The following ZNF454 variants were observed in gnomAD, a reference collection of about 807,000 sequenced individuals.
The protein encoded by ZNF454 is zinc finger protein 454.
In ZNF454, 30 loss-of-function variants were observed where a neutral mutation model predicts 48.2. The ratio of observed to expected loss-of-function variants is 0.62; its 90% CI spans 0.47 to 0.84. ZNF454 has a LOEUF of 0.84. ZNF454 is among the 40% of genes least tolerant of loss of function. The probability of loss-of-function intolerance (pLI) is 0.00; values close to 1 mark genes in which losing one functional copy is unlikely to be tolerated. For missense variants in ZNF454, 510 were observed against 623.1 expected, an observed-to-expected ratio of 0.82 and a Z score of 1.93; for synonymous variants, 204 against 211.4, an observed-to-expected ratio of 0.97 and a Z score of 0.30.
chr5:178,968,042 T>G (rs1760191622), downstream of ZNF454, among the ~76,000 whole-genome samples: 1 of 151,578 alleles, frequency 6.6e-6, no homozygotes, highest in Non-Finnish European at 1.5e-5. Flanking sequence ...CCCGGCCACC[T>G]TCCCCGTCTT....
rs1192308446 is a variant in ZNF454, at chr5:178,964,758, T to C, written c.354T>C (p.Ser118=). The C allele has an allele frequency of 1.9e-6, 3 of 1,614,120 alleles. No individual in the cohort carries two copies. Among genetic ancestry groups the C allele is most frequent in the Non-Finnish European group, 2.5e-6 (3 of 1,180,052 alleles). ...TAAAGGAAAGATTCAGTAGCAGTAG[T>C]CACTGGAAGTGTGCTAGCCTGCTGG... ...WTIKERFSSS[S]HWKCASLLEW... The change falls in exon 5 of 5, where the codon AGT becomes AGC. Residue 118 remains serine, a synonymous_variant. Coordinates refer to ENST00000519564, the MANE Select transcript of ZNF454 (RefSeq NM_001178089.3).
intron 4 of ZNF454, among the ~76,000 whole-genome samples, chr5:178,959,133 T>A (rs1025529959): frequency 1.3e-5 from 2 of 152,164 alleles, no homozygotes; most frequent in Non-Finnish European, 1.5e-5. Context: ...TTGTCTTAAA[T>A]ACTTGAGTCT....
chr5:178,976,374 A>C, the ZNF454 span, among the ~76,000 whole-genome samples: 1 of 152,296 alleles, frequency 6.6e-6, no homozygotes, highest in African/African-American at 2.4e-5. Context: ...GTTCCTGTCT[A>C]TTTTGTCTGC....
At position 178,965,250 on chromosome 5, in the gene ZNF454, C is replaced by G. The variant is rs1294293498; in HGVS notation, c.846C>G (p.Ile282Met). The G allele has an allele frequency of 1.9e-6, 3 of 1,614,090 alleles. No individual in the cohort carries two copies. In the East Asian group the frequency reaches 6.7e-5, roughly 36 times the overall value. Reference sequence around the variant, plus strand: ...GCAACTTATGTGGAAAAGCTTTTATCCGAAATATACACCTTGCCCATCATC... The same window carrying G: ...GCAACTTATGTGGAAAAGCTTTTATGCGAAATATACACCTTGCCCATCATC... ...FECNLCGKAF[I>M]RNIHLAHHHR... The change falls in exon 5 of 5, where the codon ATC becomes ATG. Residue 282 changes from isoleucine (I) to methionine (M), a missense_variant. This residue lies in a region of ZNF454 where 354 missense variants were observed against 408.9 expected (regional missense o/e 0.87). Transcript: ENST00000519564. The surrounding 1 kb of genome is among the most constrained non-coding windows in gnomAD (Gnocchi z 5.2).
intron 4 of ZNF454, among the ~76,000 whole-genome samples, chr5:178,957,535 G>A (rs1379773772): frequency 7.9e-5 from 12 of 151,818 alleles, no homozygotes; most frequent in Non-Finnish European, 1.5e-4. Context: ...TCAGCCTCCC[G>A]AGTAGCTGGG....
At chr5:178,986,181 G>A in the ZNF454 span, 2 of 1,614,124 alleles carry the variant, frequency 1.2e-6, no homozygotes, top group Non-Finnish European at 1.7e-6. Context: ...TGGGGCTGAT[G>A]AAGGGAGGGG....
chr5:178,976,013 T>A, the ZNF454 span: 1 of 387,026 alleles, frequency 2.6e-6, no homozygotes, highest in Non-Finnish European at 5.3e-6. Context: ...CCTCACATTT[T>A]CTCCCCTGCT....
At chr5:178,975,550 G>A in the ZNF454 span, 1 of 240,582 alleles carries the variant, frequency 4.2e-6, no homozygotes. Context: ...TCTCAACACA[G>A]TAGCCAGAGT....
At chr5:178,987,007 C>T in the ZNF454 span, 15 of 1,609,690 alleles carry the variant, frequency 9.3e-6, no homozygotes, top group East Asian at 1.1e-4. Flanking sequence ...CCGTCATCCT[C>T]GGTGGTCCTC....
At chr5:178,948,610 C>T (rs577080517) in intron 4 of ZNF454, among the ~76,000 whole-genome samples, 1 of 152,224 alleles carries the variant, frequency 6.6e-6, no homozygotes, top group South Asian at 2.1e-4. Flanking sequence ...TGGGCCCCTG[C>T]CCACACTCTG....
At chr5:178,985,542 A>C in the ZNF454 span, 2 of 337,562 alleles carry the variant, frequency 5.9e-6, no homozygotes, top group South Asian at 2.3e-5. Context: ...TCTCTACTAA[A>C]AATACAAAAA....
rs1312770701 is a variant in ZNF454, at chr5:178,941,525, TGTG to T, written c.-108+83_-108+85del. On this transcript the variant is annotated intron_variant, in intron 1 of 4. Coordinates refer to ENST00000519564, the MANE Select transcript of ZNF454 (RefSeq NM_001178089.3). The surrounding 1 kb of genome is among the most constrained non-coding windows in gnomAD (Gnocchi z 5.5). ...GCTGAGGGTCGAGTCTGTGAGTGCC[TGTG>T]GAGGAGATGGAGCCAGGGCCTCTGG... The T allele has an allele frequency of 1.5e-5, 7 of 456,164 alleles. No homozygotes were observed. Among genetic ancestry groups the T allele is most frequent in the Non-Finnish European group, 3.1e-5 (7 of 226,788 alleles). 28.3% of individuals were successfully genotyped at this position (456,164 alleles called of 1,614,324 possible).
downstream of ZNF454, chr5:178,968,658 G>A (rs916577577): frequency 2.1e-5 from 8 of 381,438 alleles, 1 homozygote; most frequent in South Asian, 9.6e-5. Context: ...AAAAAACCAC[G>A]TTCACTGCTA....
At chr5:178,967,113 C>A, downstream of ZNF454, among the ~76,000 whole-genome samples, 1 of 152,198 alleles carries the variant, frequency 6.6e-6, no homozygotes, top group East Asian at 1.9e-4. Context: ...TTGACTGATC[C>A]TGGGATGGCA....
the ZNF454 span, chr5:178,985,689 C>A: frequency 1.6e-5 from 6 of 386,260 alleles, no homozygotes; most frequent in South Asian, 3.6e-5. Flanking sequence ...GGCGACACAG[C>A]GAGACTCTGT....
At chr5:178,952,328 C>T (rs560346309) in intron 4 of ZNF454, among the ~76,000 whole-genome samples, 93 of 152,292 alleles carry the variant, frequency 6.1e-4, no homozygotes, top group Non-Finnish European at 1.2e-3. Flanking sequence ...TGAGCCACCG[C>T]GCCGAGGTTG....
At chr5:178,989,200 TCCCCC>T in the ZNF454 span, 1 of 1,333,678 alleles carries the variant, frequency 7.5e-7, no homozygotes, top group Non-Finnish European at 1.0e-6. Flanking sequence ...CCTCCCGCCT[TCCCCC>T]TCCCCACCCT....
At chr5:178,986,819 G>C in the ZNF454 span, 1 of 1,613,162 alleles carries the variant, frequency 6.2e-7, no homozygotes, top group Non-Finnish European at 8.5e-7. Flanking sequence ...CCCACCTGGG[G>C]CTCGGTCTGC....
At position 178,965,304 on chromosome 5, in the gene ZNF454, T is replaced by C; in HGVS notation, c.900T>C (p.Phe300=). Residue 300 remains phenylalanine, a synonymous_variant, in exon 5 of 5, where the codon TTT becomes TTC. Coordinates refer to ENST00000519564, the MANE Select transcript of ZNF454 (RefSeq NM_001178089.3). The surrounding 1 kb of genome is among the most constrained non-coding windows in gnomAD (Gnocchi z 5.2). ...HHRIHTGEKP[F]KCNICEKAFV... ...GAATACATACTGGAGAGAAACCTTTTAAATGTAACATTTGTGAAAAAGCCT... is the reference window on the plus strand; with the variant it reads ...GAATACATACTGGAGAGAAACCTTTCAAATGTAACATTTGTGAAAAAGCCT... The C allele has an allele frequency of 1.2e-6, 2 of 1,614,232 alleles. No individual in the cohort carries two copies. Among genetic ancestry groups the C allele is most frequent in the East Asian group, 2.2e-5 (1 of 44,882 alleles).
Sources: gnomAD v4.1 joint callset for allele counts (sites outside exome capture counted in the v4.1 genomes callset) on GRCh38, gnomAD v4.1.1 for gene constraint, gnomAD v4.1.1 regional missense constraint, Gnocchi (gnomAD v3.1) non-coding constraint, MANE v1.5 for transcripts, NCBI Gene and HGNC (gene_info 2026-07-23, HGNC 2026-07-21) for gene names.